PKD1L1: variants seen among roughly 807,000 people sequenced by gnomAD.
PKD1L1 encodes the protein polycystin-1-like protein 1.
In PKD1L1, 236 loss-of-function variants were observed where a neutral mutation model predicts 323.4. That is an observed-to-expected ratio of 0.73 (90% CI 0.66 to 0.81). PKD1L1 has a LOEUF of 0.81. Among genes scored for constraint, PKD1L1 ranks in the 40% least tolerant of loss-of-function variants. The probability of loss-of-function intolerance (pLI) is 0.00; values close to 1 mark genes in which losing one functional copy is unlikely to be tolerated. For synonymous variants in PKD1L1, 1,344 were observed against 1,335.0 expected, an observed-to-expected ratio of 1.01 and a Z score of -0.15; for missense variants, 3,320 against 3,508.0, an observed-to-expected ratio of 0.95 and a Z score of 1.35.
At chr7:47,890,146 G>A (rs1420696940) in intron 16 of PKD1L1, among the ~76,000 whole-genome samples, 1 of 152,218 alleles carries the variant, frequency 6.6e-6, no homozygotes, top group Non-Finnish European at 1.5e-5. Flanking sequence ...ATCCTGTGAT[G>A]CTTGGAAGGC....
At chr7:47,959,718 A>G in the PKD1L1 span, among the ~76,000 whole-genome samples, 34,071 of 95,188 alleles carry the variant, frequency 0.36, 5,368 homozygotes, top group Admixed American at 0.41. Flanking sequence ...CCCCCCGCCC[A>G]GCCAGCCGCC....
chr7:47,831,412 C>T (rs1046948608), intron 41 of PKD1L1, 60 bp from the exon 42 acceptor site: 44 of 1,557,036 alleles, frequency 2.8e-5, no homozygotes, highest in African/African-American at 1.2e-4. Context: ...TCCATCCACG[C>T]GGAGTGTGGT....
chr7:47,930,922 C>A (rs1024583663), intron 6 of PKD1L1, among the ~76,000 whole-genome samples, 182 bp downstream of exon 6: 1 of 152,194 alleles, frequency 6.6e-6, no homozygotes, highest in African/African-American at 2.4e-5. Context: ...GGCATGGGTC[C>A]CTGATGGCAA....
chr7:47,912,145 C>T (rs1787335483), intron 8 of PKD1L1, among the ~76,000 whole-genome samples: 1 of 152,044 alleles, frequency 6.6e-6, no homozygotes, highest in African/African-American at 2.4e-5. Context: ...CTTGAGGAAT[C>T]GTTATCTTCT....
rs773762647 is a variant in PKD1L1 at position 47,818,207 on chromosome 7, C to T, written c.6966-2750G>A. 3.7e-6 allele frequency: 5 copies of T among 1,357,794 alleles called. No homozygotes were observed. In the East Asian group the frequency reaches 1.4e-4, roughly 38 times the overall value. 84.1% of individuals were successfully genotyped at this position (1,357,794 alleles called of 1,614,324 possible). Reference sequence around the variant, plus strand: ...ATGGGAGGCATAAGGTGAGCAGATACATCTCTGCAAATATTCACGCCAAAG... The same window carrying T: ...ATGGGAGGCATAAGGTGAGCAGATATATCTCTGCAAATATTCACGCCAAAG... On this transcript the variant is annotated intron_variant, in intron 46 of 56. Transcript: ENST00000289672.
At chr7:47,869,030 C>T (rs1786226875) in intron 24 of PKD1L1, among the ~76,000 whole-genome samples, 1 of 152,032 alleles carries the variant, frequency 6.6e-6, no homozygotes, top group Non-Finnish European at 1.5e-5. Flanking sequence ...CTACATCTTG[C>T]TGAAATTAAT....
At chr7:47,880,284 A>ATTTTTTTTTTT (rs35198089) in intron 21 of PKD1L1, among the ~76,000 whole-genome samples, 2 of 56,778 alleles carry the variant, frequency 3.5e-5, no homozygotes, top group African/African-American at 1.1e-4. Context: ...ATATATATAT[A>ATTTTTTTTTTT]TTTTTTTTTT....
In PKD1L1 at chr7:47,946,451, C is replaced by T. The variant is rs1013185280; in HGVS notation, c.44+1946G>A. Among the ~76,000 whole-genome samples, 1 of 150,514 alleles carries T rather than the reference C, an allele frequency of 6.6e-6. No homozygotes were observed. Among genetic ancestry groups the T allele is most frequent in the African/African-American group, 2.4e-5 (1 of 40,846 alleles). On this transcript the variant is annotated intron_variant, in intron 1 of 56. Coordinates refer to ENST00000289672, the MANE Select transcript of PKD1L1 (RefSeq NM_138295.5). This position sits in a 1 kb window ranked among gnomAD's most constrained non-coding sequence, Gnocchi z 4.1. ...ATATACACACACCACACAGCACATACCCACCCACCACACACACATCGCACA... is the reference window on the plus strand; with the variant it reads ...ATATACACACACCACACAGCACATATCCACCCACCACACACACATCGCACA...
At chr7:47,905,750 T>A in intron 10 of PKD1L1, 93 bp downstream of exon 10, 1 of 1,535,406 alleles carries the variant, frequency 6.5e-7, no homozygotes, top group Non-Finnish European at 8.8e-7. Context: ...GCAGAGCCGA[T>A]AACAAAACCT....
chr7:47,857,674 G>A lies in PKD1L1; in HGVS notation c.4521C>T (p.Ser1507=), dbSNP rs533343359. The A allele has an allele frequency of 6.2e-7, 1 of 1,614,168 alleles. No homozygotes were observed. The highest frequency in any genetic ancestry group is 2.2e-5 in the East Asian group (1 of 44,862). ...GTATGAGCTGGCTAATGTAGCATGG[G>A]CTCTGTGTCTCCGCCCCAGCAGGAC... ...GHSPAGAETQ[S]PCYISQLILF... The change falls in exon 28 of 57, where the codon AGC becomes AGT. Residue 1507 remains serine, a synonymous_variant. Transcript: ENST00000289672.
At chr7:47,843,440 G>C (rs1022219963) in intron 33 of PKD1L1, among the ~76,000 whole-genome samples, 2 of 152,180 alleles carry the variant, frequency 1.3e-5, no homozygotes, top group African/African-American at 2.4e-5. Flanking sequence ...TGCCATGCTG[G>C]GTCTGAGGAA....
In PKD1L1 at chr7:47,886,024, C is replaced by T. The variant is rs774961053; in HGVS notation, c.2867G>A (p.Gly956Asp). 4.3e-6 allele frequency: 7 copies of T among 1,613,774 alleles called. No individual in the cohort carries two copies. In the South Asian group the frequency reaches 7.7e-5, roughly 18 times the overall value. Residue 956 changes from glycine (G) to aspartate (D), a missense_variant, in exon 18 of 57, where the codon GGC (glycine) becomes GAC (aspartate). Coordinates refer to ENST00000289672, the MANE Select transcript of PKD1L1 (RefSeq NM_138295.5). The part of the protein sequence containing the change: ...VPFCRVVGLL[G>D]SLGLGAISES... ...TGAAATGGCACCGAGTCCCAGCGAGCCAAGCAGCCCCACTACTCTGCAGAA... is the reference window on the plus strand; with the variant it reads ...TGAAATGGCACCGAGTCCCAGCGAGTCAAGCAGCCCCACTACTCTGCAGAA...
At chr7:47,915,361 A>G (rs1183153616) in intron 8 of PKD1L1, 71 bp downstream of exon 8, 7 of 764,102 alleles carry the variant, frequency 9.2e-6, no homozygotes, top group East Asian at 4.9e-5. Context: ...GTGTAAACCA[A>G]TGAAAATTCC....
At chr7:47,802,191 CAAAA>C (rs5884026) in intron 53 of PKD1L1, among the ~76,000 whole-genome samples, 38 of 105,894 alleles carry the variant, frequency 3.6e-4, no homozygotes, top group African/African-American at 8.2e-4. Context: ...GACTCTATCT[CAAAA>C]AAAAAAAAAA....
intron 8 of PKD1L1, among the ~76,000 whole-genome samples, chr7:47,911,981 G>A (rs1017873594): frequency 1.3e-5 from 2 of 151,422 alleles, no homozygotes; most frequent in African/African-American, 4.8e-5. Context: ...GAAAGAAGAA[G>A]GGAGGGAAGG....
intron 3 of PKD1L1, among the ~76,000 whole-genome samples, chr7:47,938,727 T>C (rs1446506752): frequency 6.6e-6 from 1 of 152,112 alleles, no homozygotes; most frequent in Non-Finnish European, 1.5e-5. Flanking sequence ...CTTTGGGACA[T>C]GATGGTCAAA....
At chr7:47,814,103 G>A (rs1784964827) in intron 47 of PKD1L1, 89 bp from the exon 48 acceptor site, 2 of 992,084 alleles carry the variant, frequency 2.0e-6, no homozygotes, top group South Asian at 1.4e-5. Flanking sequence ...TGGGGCTCTG[G>A]GTAACTCCAC....
rs1248209027 is a variant in PKD1L1 at position 47,796,052 on chromosome 7, C to A, written c.8292G>T (p.Lys2764Asn). The A allele has an allele frequency of 6.2e-7, 1 of 1,612,750 alleles. No homozygotes were observed. Among genetic ancestry groups the A allele is most frequent in the South Asian group, 1.1e-5 (1 of 90,750 alleles). The change falls in exon 55 of 57, where the codon AAG becomes AAT. Residue 2764 changes from lysine (K) to asparagine (N), a missense_variant. Lys to Asn is a moderately conservative substitution (Grantham distance 94). Coordinates refer to ENST00000289672, the MANE Select transcript of PKD1L1 (RefSeq NM_138295.5). Reference protein sequence around the residue: ...LKDVTAYMWEKVLTFLRLETP... With the variant: ...LKDVTAYMWENVLTFLRLETP... Reference sequence around the variant, plus strand: ...TTTCCAGTCTCAGAAAGGTGAGGACCTTTTCCCACATATAAGCAGTGACAT... The same window carrying A: ...TTTCCAGTCTCAGAAAGGTGAGGACATTTTCCCACATATAAGCAGTGACAT...
At chr7:47,913,212 G>A (rs1172763354) in intron 8 of PKD1L1, among the ~76,000 whole-genome samples, 1 of 152,018 alleles carries the variant, frequency 6.6e-6, no homozygotes, top group Non-Finnish European at 1.5e-5. Context: ...TTGAATATGG[G>A]AACTTAGAGG....
Sources: allele counts gnomAD v4.1 joint callset (sites outside exome capture counted in the v4.1 genomes callset), GRCh38; gene constraint gnomAD v4.1.1; non-coding constraint Gnocchi (gnomAD v3.1); transcripts MANE v1.5; gene names NCBI Gene and HGNC (gene_info 2026-07-23, HGNC 2026-07-21).